Variants in COL4A1 observed in about 807,000 individuals in gnomAD.
COL4A1 encodes the protein collagen type IV alpha 1 chain, also known as collagen alpha-1(IV) chain.
COL4A1 carries 40 observed loss-of-function variants against 216.6 expected under a neutral mutation model. The observed-to-expected ratio is 0.18, with a 90% CI of 0.14 to 0.24. The LOEUF (loss-of-function observed/expected upper bound fraction) is 0.24. COL4A1 is among the 10% of genes least tolerant of loss of function. The probability of loss-of-function intolerance (pLI) is 1.00; values close to 1 mark genes in which losing one functional copy is unlikely to be tolerated. For missense variants in COL4A1, 1,628 were observed against 2,196.8 expected (o/e 0.74, Z 5.18); for synonymous variants, 839 against 810.7 (o/e 1.03, Z -0.59).
intron 20 of COL4A1, among the ~76,000 whole-genome samples, chr13:110,199,841 G>A (rs979466358): frequency 2.0e-5 from 3 of 152,196 alleles, no homozygotes; most frequent in Non-Finnish European, 4.4e-5. Context: ...GAGGAGACAT[G>A]AAGTCACACA....
chr13:110,230,823 C>T (rs568500574), intron 2 of COL4A1, among the ~76,000 whole-genome samples: 35 of 152,348 alleles, frequency 2.3e-4, no homozygotes, highest in Middle Eastern at 3.4e-3. Flanking sequence ...CGTGCAGAGG[C>T]GGAAGCAAGG....
intron 44 of COL4A1, 60 bp downstream of exon 44, chr13:110,167,098 A>G: frequency 7.1e-7 from 1 of 1,413,824 alleles, no homozygotes. Flanking sequence ...GAGGTTAGCA[A>G]GCTCTTCACA....
At chr13:110,176,292 T>C in intron 36 of COL4A1, 132 bp downstream of exon 36, 1 of 726,748 alleles carries the variant, frequency 1.4e-6, no homozygotes, top group Non-Finnish European at 2.5e-6. Flanking sequence ...GAGCTGGGGA[T>C]GTGAATTCAT....
chr13:110,269,221 G>C (rs529730416), intron 1 of COL4A1, among the ~76,000 whole-genome samples: 1 of 152,288 alleles, frequency 6.6e-6, no homozygotes, highest in Admixed American at 6.5e-5. Context: ...AGTAAAATAA[G>C]ACTTTTCTAT....
At chr13:110,306,320 T>G (rs1307833216) in intron 1 of COL4A1, among the ~76,000 whole-genome samples, 1 of 152,200 alleles carries the variant, frequency 6.6e-6, no homozygotes, top group African/African-American at 2.4e-5. Context: ...GGCAACGAGT[T>G]GAGGATGGTG....
chr13:110,256,766 T>A (rs1378415312), intron 1 of COL4A1, among the ~76,000 whole-genome samples: 1 of 152,128 alleles, frequency 6.6e-6, no homozygotes, highest in Non-Finnish European at 1.5e-5. Context: ...TCCGATACTT[T>A]CAGCAACAAG....
Position 110,206,904 on chromosome 13 carries a change from G to A in COL4A1, c.781-13C>T, listed in dbSNP as rs772931438. 8.1e-6 allele frequency: 13 copies of A among 1,613,360 alleles called. No homozygotes were observed. The highest frequency in any genetic ancestry group is 1.7e-5 in the Admixed American group (1 of 59,950). Reference sequence around the variant, plus strand: ...CACCTTTTTGGCCCTGAAAGAATTCGAGAGACAGATCAGCACTATCAAACA... The same window carrying A: ...CACCTTTTTGGCCCTGAAAGAATTCAAGAGACAGATCAGCACTATCAAACA... On this transcript the variant is annotated splice_polypyrimidine_tract_variant and intron_variant, in intron 13 of 51. Coordinates refer to ENST00000375820, the MANE Select transcript of COL4A1 (RefSeq NM_001845.6).
chr13:110,233,505 T>C (rs915414378), intron 2 of COL4A1, among the ~76,000 whole-genome samples: 4 of 152,142 alleles, frequency 2.6e-5, no homozygotes, highest in African/African-American at 9.7e-5. Context: ...CTCACGCATG[T>C]TCCCCTTTGA....
intron 15 of COL4A1, 58 bp downstream of exon 15, chr13:110,206,607 G>A: frequency 1.9e-6 from 3 of 1,575,632 alleles, no homozygotes; most frequent in Non-Finnish European, 2.6e-6. Context: ...GTGAATCTGC[G>A]ATTTTCCGCA....
intron 21 of COL4A1, among the ~76,000 whole-genome samples, 178 bp downstream of exon 21, chr13:110,198,289 T>A (rs1388394029): frequency 2.6e-5 from 4 of 152,194 alleles, no homozygotes; most frequent in African/African-American, 9.7e-5. Flanking sequence ...AACTATTGCT[T>A]TTTGTAGCAT....
intron 1 of COL4A1, among the ~76,000 whole-genome samples, chr13:110,266,809 T>C (rs75610975): frequency 1.2e-4 from 18 of 152,260 alleles, no homozygotes; most frequent in Non-Finnish European, 2.2e-4. Flanking sequence ...AAGAGTAATA[T>C]GGAGAGGCAG....
At chr13:110,158,000 A>G (rs1382394178) in intron 49 of COL4A1, among the ~76,000 whole-genome samples, 3 of 152,202 alleles carry the variant, frequency 2.0e-5, no homozygotes, top group African/African-American at 7.2e-5. Context: ...CTATCAATGA[A>G]TAGTCTTTTT....
At chr13:110,213,642 G>A (rs1011528345) in intron 4 of COL4A1, 140 bp downstream of exon 4, 64 of 817,882 alleles carry the variant, frequency 7.8e-5, no homozygotes, top group East Asian at 5.0e-4. Context: ...CCTGCCTCGC[G>A]CCTGCCTGCC....
intron 2 of COL4A1, 127 bp downstream of exon 2, chr13:110,242,548 C>T: frequency 9.4e-7 from 1 of 1,067,268 alleles, no homozygotes; most frequent in Non-Finnish European, 1.4e-6. Flanking sequence ...ATTTGTATTG[C>T]TCTGGGGAAA....
intron 1 of COL4A1, among the ~76,000 whole-genome samples, chr13:110,301,248 G>A (rs1217650139): frequency 6.6e-6 from 1 of 152,184 alleles, no homozygotes; most frequent in African/African-American, 2.4e-5. Context: ...GTGGGGAGGG[G>A]GCTCCCAAGA....
chr13:110,194,993 C>T (rs1379590907), intron 22 of COL4A1, 30 bp downstream of exon 22: 1 of 1,590,046 alleles, frequency 6.3e-7, no homozygotes, highest in African/African-American at 1.3e-5. Context: ...AAGACACAAC[C>T]ACCATTTTAA....
At chr13:110,222,623 A>G (rs952977243) in intron 2 of COL4A1, among the ~76,000 whole-genome samples, 2 of 146,764 alleles carry the variant, frequency 1.4e-5, no homozygotes, top group African/African-American at 2.5e-5. Flanking sequence ...AATACAAAAA[A>G]TTAGCCGGGT....
rs35682248 is a variant in COL4A1, at chr13:110,184,680, C to CTG, written c.1898-1406_1898-1405dup. On this transcript the variant is annotated intron_variant, in intron 26 of 51. Transcript: ENST00000375820. ...CATACTGGAATGCTTAGGAACTGGA[C>CTG]TGTGTGTGTGTGTGTGTGTGTGTTT... Among the ~76,000 whole-genome samples, 1,253 of 150,150 alleles carry CTG rather than the reference C, an allele frequency of 8.3e-3. 16 individuals carry two copies. Among genetic ancestry groups the CTG allele is most frequent in the East Asian group, 0.05 (252 of 5,080 alleles).
At chr13:110,197,990 T>C (rs1417919108) in intron 21 of COL4A1, among the ~76,000 whole-genome samples, 4 of 152,154 alleles carry the variant, frequency 2.6e-5, no homozygotes, top group African/African-American at 4.8e-5. Context: ...CCATGTTACA[T>C]GTTCACCTTT....
Sources: allele counts gnomAD v4.1 joint callset (sites outside exome capture counted in the v4.1 genomes callset), GRCh38; gene constraint gnomAD v4.1.1; transcripts MANE v1.5; gene names NCBI Gene and HGNC (gene_info 2026-07-23, HGNC 2026-07-21).